SEMA6D: variants seen among roughly 807,000 people sequenced by gnomAD.
SEMA6D encodes semaphorin-6D.
In SEMA6D, 35 loss-of-function variants were observed where a neutral mutation model predicts 106.6. That is an observed-to-expected ratio of 0.33 (90% confidence interval 0.25 to 0.44). SEMA6D has a LOEUF of 0.44. Ranked by LOEUF, SEMA6D falls within the 20% of genes least tolerant of loss-of-function variation. SEMA6D has a pLI of 1.00. For synonymous variants in SEMA6D, 499 were observed against 487.7 expected (o/e 1.02, Z -0.31); for missense variants, 1,185 against 1,345.9 (o/e 0.88, Z 1.87).
At chr15:47,307,009 A>G (rs906730455) in intron 1 of SEMA6D, among the ~76,000 whole-genome samples, 9 of 152,200 alleles carry the variant, frequency 5.9e-5, no homozygotes, top group Non-Finnish European at 1.3e-4. Context: ...GTTTTTACAT[A>G]CACAACCCAA....
At position 47,771,544 on chromosome 15, in the gene SEMA6D, G is replaced by C; in HGVS notation, c.2981G>C (p.Ser994Thr). ...GGTGTTTTGTTATCCAGACAGCCTA[G>C]TATGAACCGTGGAGGATATATGCCC... ...PNGVLLSRQP[S>T]MNRGGYMPTP... The change falls in exon 19 of 19, where the codon AGT (serine) becomes ACT (threonine). Residue 994 changes from serine (S) to threonine (T), a missense_variant. Physicochemically the swap from Ser to Thr is moderately conservative, Grantham distance 58 (BLOSUM62 1). Transcript: ENST00000536845. 1 of 1,614,098 alleles carries C rather than the reference G, an allele frequency of 6.2e-7. No individual in the cohort carries two copies. Among genetic ancestry groups the C allele is most frequent in the Non-Finnish European group, 8.5e-7 (1 of 1,179,982 alleles).
At chr15:47,561,820 G>C (rs1440532626) in intron 3 of SEMA6D, among the ~76,000 whole-genome samples, 3 of 151,668 alleles carry the variant, frequency 2.0e-5, no homozygotes, top group Non-Finnish European at 4.4e-5. Flanking sequence ...TGACAAAATT[G>C]CATGAGAGAG....
intron 1 of SEMA6D, among the ~76,000 whole-genome samples, chr15:47,375,681 CAAAG>C: frequency 6.6e-6 from 1 of 151,886 alleles, no homozygotes; most frequent in South Asian, 2.1e-4. Context: ...TCTTATAAGA[CAAAG>C]AAAAAGAAGT....
intron 1 of SEMA6D, among the ~76,000 whole-genome samples, chr15:47,388,030 A>G (rs2039899901): frequency 1.3e-5 from 2 of 152,192 alleles, no homozygotes. Context: ...TATTTTTATT[A>G]TTTAGTAGTT....
chr15:47,549,965 T>C (rs1209181775), intron 3 of SEMA6D, among the ~76,000 whole-genome samples: 1 of 152,184 alleles, frequency 6.6e-6, no homozygotes, highest in Non-Finnish European at 1.5e-5. Context: ...CAGTTTTCCC[T>C]TTCTTCACCC....
chr15:47,296,633 C>A (rs1440790497), intron 1 of SEMA6D, among the ~76,000 whole-genome samples: 1 of 152,162 alleles, frequency 6.6e-6, no homozygotes, highest in African/African-American at 2.4e-5. Flanking sequence ...ACTGTTTTAA[C>A]TGGGGATTCC....
chr15:47,438,673 T>C (rs8039398), intron 2 of SEMA6D, among the ~76,000 whole-genome samples: 72,376 of 151,412 alleles, frequency 0.48, 17,851 homozygotes, highest in East Asian at 0.77. Flanking sequence ...TCATCTCCTA[T>C]AGGTTTGCTC....
chr15:47,351,495 G>A (rs913072008), intron 1 of SEMA6D, among the ~76,000 whole-genome samples: 3 of 152,058 alleles, frequency 2.0e-5, no homozygotes, highest in Non-Finnish European at 4.4e-5. Context: ...AACCCCATAA[G>A]GTAGGTGCTA....
At chr15:47,320,849 C>T (rs755065885) in intron 1 of SEMA6D, among the ~76,000 whole-genome samples, 6 of 152,014 alleles carry the variant, frequency 3.9e-5, no homozygotes, top group Non-Finnish European at 7.4e-5. Context: ...ACTCTCCAGC[C>T]CGCCCCCCAC....
intron 4 of SEMA6D, among the ~76,000 whole-genome samples, chr15:47,701,684 C>A (rs1051796608): frequency 6.6e-6 from 1 of 152,064 alleles, no homozygotes; most frequent in Non-Finnish European, 1.5e-5. Context: ...ACTTTTGTTC[C>A]AGAAAGAAGG....
At chr15:47,493,266 C>T (rs1029143263) in intron 3 of SEMA6D, among the ~76,000 whole-genome samples, 4 of 152,176 alleles carry the variant, frequency 2.6e-5, no homozygotes, top group Non-Finnish European at 4.4e-5. Context: ...ATAGGGAAAA[C>T]TGTGGCCCTT....
chr15:47,322,563 G>A (rs555496144), intron 1 of SEMA6D, among the ~76,000 whole-genome samples: 26 of 152,222 alleles, frequency 1.7e-4, no homozygotes, highest in African/African-American at 3.1e-4. Flanking sequence ...TCATATCGGG[G>A]ATACATGATG....
At chr15:47,631,235 T>C (rs2077287567) in intron 4 of SEMA6D, among the ~76,000 whole-genome samples, 2 of 151,878 alleles carry the variant, frequency 1.3e-5, no homozygotes, top group South Asian at 4.2e-4. Flanking sequence ...AAAATTTCTT[T>C]AGGGAGCTTT....
At chr15:47,570,933 G>A (rs1435993233) in intron 3 of SEMA6D, among the ~76,000 whole-genome samples, 5 of 152,240 alleles carry the variant, frequency 3.3e-5, no homozygotes, top group Non-Finnish European at 7.3e-5. Context: ...GAAAAGAGGT[G>A]CAGACATTTT....
chr15:47,233,160 T>C (rs2032319848), intron 1 of SEMA6D, among the ~76,000 whole-genome samples: 1 of 152,000 alleles, frequency 6.6e-6, no homozygotes, highest in Admixed American at 6.6e-5. Flanking sequence ...GTTTTGCATG[T>C]GAATATCCAG....
chr15:47,513,175 C>T (rs1195250469), intron 3 of SEMA6D, among the ~76,000 whole-genome samples: 1 of 151,628 alleles, frequency 6.6e-6, no homozygotes, highest in Non-Finnish European at 1.5e-5. Context: ...GAATAACAGT[C>T]TTCTCCCTTG....
intron 2 of SEMA6D, among the ~76,000 whole-genome samples, chr15:47,437,292 C>T (rs1330523405): frequency 6.6e-6 from 1 of 152,046 alleles, no homozygotes; most frequent in African/African-American, 2.4e-5. Context: ...TCACAGTGAT[C>T]TTTAGGGCAA....
chr15:47,218,925 G>A (rs1315131427), intron 1 of SEMA6D, among the ~76,000 whole-genome samples: 1 of 152,174 alleles, frequency 6.6e-6, no homozygotes, highest in Non-Finnish European at 1.5e-5. Context: ...TCATCCATAT[G>A]ATGCCAAACC....
In SEMA6D at chr15:47,580,618, A is replaced by G. The variant is rs530532828; in HGVS notation, c.-86-20247A>G. 2.2e-4 allele frequency among the ~76,000 whole-genome samples: 34 copies of G among 151,346 alleles called. 1 individual carries two copies. The Middle Eastern group carries it at 0.01, about 45-fold the overall frequency. ...ACCATGTGCAAAGAGAAGTATGTCG[A>G]AAAAAAAACCCATTCATTCATTTAT... On this transcript the variant is annotated intron_variant, in intron 3 of 19. Transcript: ENST00000558014.
Sources: allele counts gnomAD v4.1 joint callset (sites outside exome capture counted in the v4.1 genomes callset), GRCh38; gene constraint gnomAD v4.1.1; transcripts MANE v1.5; gene names NCBI Gene and HGNC (gene_info 2026-07-23, HGNC 2026-07-21).